Variants in C1orf94 observed in about 807,000 individuals in gnomAD.
C1orf94 encodes the protein chromosome 1 open reading frame 94.
A neutral mutation model predicts 53.6 loss-of-function variants in C1orf94; 45 were observed. The observed-to-expected ratio is 0.84, with a 90% CI of 0.66 to 1.08. The LOEUF (loss-of-function observed/expected upper bound fraction) is 1.08. Among genes scored for constraint, C1orf94 ranks in the 50% least tolerant of loss-of-function variants. The probability of loss-of-function intolerance (pLI) is 0.00; values close to 1 mark genes in which losing one functional copy is unlikely to be tolerated. For missense variants in C1orf94, 762 were observed against 738.9 expected, an observed-to-expected ratio of 1.03 and a Z score of -0.36; for synonymous variants, 304 against 296.1, an observed-to-expected ratio of 1.03 and a Z score of -0.27.
intron 6 of C1orf94, 80 bp downstream of exon 6, chr1:34,212,486 G>T: frequency 2.2e-6 from 3 of 1,377,580 alleles, no homozygotes; most frequent in South Asian, 1.4e-5. Flanking sequence ...GCTTACCAGC[G>T]CTTTCTTAGT....
chr1:34,169,491 G>T (rs7529786), intron 1 of C1orf94, among the ~76,000 whole-genome samples: 2 of 151,842 alleles, frequency 1.3e-5, no homozygotes, highest in Non-Finnish European at 2.9e-5. Context: ...AGAATACAAG[G>T]CCTGATGCTC....
At chr1:34,193,538 C>G (rs114735604) in intron 1 of C1orf94, among the ~76,000 whole-genome samples, 171 of 152,282 alleles carry the variant, frequency 1.1e-3, no homozygotes, top group African/African-American at 4.0e-3. Flanking sequence ...TGCTGGATAA[C>G]AATCTCCTGA....
Position 34,208,165 on chromosome 1 carries a change from C to A in C1orf94, c.1455C>A (p.Tyr485Ter). The A allele has an allele frequency of 6.2e-7, 1 of 1,614,076 alleles. No individual in the cohort carries two copies. The highest frequency in any genetic ancestry group is 1.1e-5 in the South Asian group (1 of 91,044). ...CCTCTGTTTCTCCCCAGGGCCTGTA[C>A]CCACAGCAGGCAGCGAGGATGCCCT... is the stretch of plus-strand genomic sequence containing the variant. ...HSTFLQYQGL[Y>*]PQQAARMPYQ... Residue 485 changes from tyrosine to a stop codon, truncating the protein, a stop_gained, in exon 5 of 7, where the codon TAC becomes TAA. Coordinates refer to ENST00000488417, the MANE Select transcript of C1orf94 (RefSeq NM_001134734.2). LOFTEE classifies it high-confidence loss of function.
Position 34,218,685 on chromosome 1 carries a change from G to C in C1orf94, c.1722-1G>C, listed in dbSNP as rs1231737154. ...TGGCATCCACCCTCCCTCTCTTCCA[G>C]GTTCGGCTCGACATCCGGAGGGCCC... On this transcript the variant is annotated splice_acceptor_variant, in intron 6 of 6. Transcript: ENST00000488417. LOFTEE classifies it high-confidence loss of function. 1 of 1,611,502 alleles carries C rather than the reference G, an allele frequency of 6.2e-7. No individual in the cohort carries two copies. Among genetic ancestry groups the C allele is most frequent in the Admixed American group, 1.7e-5 (1 of 59,952 alleles).
At chr1:34,169,324 C>T (rs532371797) in intron 1 of C1orf94, among the ~76,000 whole-genome samples, 1 of 152,226 alleles carries the variant, frequency 6.6e-6, no homozygotes, top group East Asian at 1.9e-4. Flanking sequence ...GCCCCAAGTG[C>T]TGGCTCCCTG....
At chr1:34,214,931 T>G (rs887220771) in intron 6 of C1orf94, among the ~76,000 whole-genome samples, 3 of 152,182 alleles carry the variant, frequency 2.0e-5, no homozygotes, top group African/African-American at 7.2e-5. Context: ...CCAGAGGGGA[T>G]GATCTGTTCA....
At chr1:34,208,882 C>G (rs193265035) in intron 5 of C1orf94, among the ~76,000 whole-genome samples, 3 of 152,132 alleles carry the variant, frequency 2.0e-5, no homozygotes, top group Non-Finnish European at 4.4e-5. Context: ...CACTGGCCAA[C>G]GCAAACGACA....
chr1:34,195,781 T>G (rs373066146), intron 1 of C1orf94, among the ~76,000 whole-genome samples: 31 of 71,006 alleles, frequency 4.4e-4, no homozygotes, highest in Admixed American at 7.6e-4. Flanking sequence ...TGTTCGTGGG[T>G]GTGTGTGTGT....
chr1:34,212,539 G>A (rs1642912129), intron 6 of C1orf94, 133 bp downstream of exon 6: 1 of 920,196 alleles, frequency 1.1e-6, no homozygotes, highest in South Asian at 1.8e-5. Context: ...CCCTGTACCT[G>A]TGGCTGGTGG....
In C1orf94 at chr1:34,197,796, C is replaced by T. The variant is rs778111912; in HGVS notation, c.892C>T (p.Pro298Ser). The T allele has an allele frequency of 1.2e-6, 2 of 1,614,248 alleles. No individual in the cohort carries two copies. Among genetic ancestry groups the T allele is most frequent in the African/African-American group, 2.7e-5 (2 of 75,072 alleles). Residue 298 changes from proline (P) to serine (S), a missense_variant, in exon 2 of 7, where the codon CCT becomes TCT. Physicochemically the swap from Pro to Ser is moderately conservative, Grantham distance 74. Transcript: ENST00000488417. This position sits in a 1 kb window ranked among gnomAD's most constrained non-coding sequence, Gnocchi z 4.1. ...TCTGCTGCTGCCTCCCCGACCTCCT[C>T]CTGCACGTCCTGACAAGCTCCCTGA... ...PFLLLPPRPPPARPDKLPELP... is the reference protein window; with the variant it reads ...PFLLLPPRPPSARPDKLPELP...
chr1:34,173,634 A>C (rs1642180298), upstream of C1orf94, among the ~76,000 whole-genome samples: 2 of 152,220 alleles, frequency 1.3e-5, no homozygotes, highest in South Asian at 4.1e-4. Context: ...TATTATAAGC[A>C]CTTTACATGT....
chr1:34,167,948 G>C (rs1642076343), intron 1 of C1orf94, among the ~76,000 whole-genome samples: 1 of 152,150 alleles, frequency 6.6e-6, no homozygotes, highest in Non-Finnish European at 1.5e-5. Flanking sequence ...CCTGGGTGCT[G>C]TGCTAGACAA....
At chr1:34,189,183 G>A (rs1384841709) in intron 1 of C1orf94, among the ~76,000 whole-genome samples, 1 of 151,924 alleles carries the variant, frequency 6.6e-6, no homozygotes, top group Non-Finnish European at 1.5e-5. Flanking sequence ...GTATGTATGT[G>A]TGTGCACATG....
At chr1:34,204,237 A>G (rs568818044) in intron 4 of C1orf94, among the ~76,000 whole-genome samples, 1 of 152,332 alleles carries the variant, frequency 6.6e-6, no homozygotes, top group Non-Finnish European at 1.5e-5. Flanking sequence ...TCTTCTGCAT[A>G]TAAAGACTCT....
chr1:34,200,808 A>T lies in C1orf94; in HGVS notation c.1046A>T (p.Gln349Leu). 6.2e-7 allele frequency: 1 copy of T among 1,614,206 alleles called. No individual in the cohort carries two copies. Residue 349 changes from glutamine (Q) to leucine (L), a missense_variant, in exon 3 of 7, where the codon CAA (glutamine) becomes CTA (leucine). Transcript: ENST00000488417. The stretch of plus-strand genomic sequence containing the variant: ...GGCACCAAGGAGCCAAAAAAGGGTC[A>T]AGGGAGCCTCTTTCTCAGCCAGTGG... The part of the protein sequence containing the change: ...SPGTKEPKKG[Q>L]GSLFLSQWPQ...
intron 1 of C1orf94, among the ~76,000 whole-genome samples, chr1:34,194,194 T>C (rs1642543002): frequency 6.6e-6 from 1 of 152,204 alleles, no homozygotes; most frequent in South Asian, 2.1e-4. Flanking sequence ...GATAATTACA[T>C]TATAATAATT....
At chr1:34,191,799 A>T (rs942415663) in intron 1 of C1orf94, among the ~76,000 whole-genome samples, 1 of 152,198 alleles carries the variant, frequency 6.6e-6, no homozygotes, top group Non-Finnish European at 1.5e-5. Context: ...TGTACACAGA[A>T]CTGCTGTTGG....
At chr1:34,203,195 T>C (rs752873484) in intron 4 of C1orf94, among the ~76,000 whole-genome samples, 6 of 152,186 alleles carry the variant, frequency 3.9e-5, no homozygotes, top group Non-Finnish European at 8.8e-5. Flanking sequence ...TGGAGTGCAG[T>C]GGCATGACCT....
Position 34,197,634 on chromosome 1 carries a change from C to G in C1orf94, c.730C>G (p.Pro244Ala), listed in dbSNP as rs752344271. 1 of 1,614,142 alleles carries G rather than the reference C, an allele frequency of 6.2e-7. No individual in the cohort carries two copies. Among genetic ancestry groups the G allele is most frequent in the Middle Eastern group, 1.6e-4 (1 of 6,062 alleles). ...LQVSKLLSQFPLKSTETSKVP... is the reference protein window; with the variant it reads ...LQVSKLLSQFALKSTETSKVP... ...AGTCAGCAAGCTTCTGTCCCAGTTC[C>G]CACTGAAGTCCACTGAGACATCCAA... is the stretch of plus-strand genomic sequence containing the variant. The change falls in exon 2 of 7, where the codon CCA becomes GCA. Residue 244 changes from proline to alanine, a missense_variant. Physicochemically the swap from Pro to Ala is conservative, Grantham distance 27 (BLOSUM62 -1). Coordinates refer to ENST00000488417, the MANE Select transcript of C1orf94 (RefSeq NM_001134734.2). The surrounding 1 kb of genome is among the most constrained non-coding windows in gnomAD (Gnocchi z 4.1).
Sources: allele counts gnomAD v4.1 joint callset (sites outside exome capture counted in the v4.1 genomes callset), GRCh38; gene constraint gnomAD v4.1.1; non-coding constraint Gnocchi (gnomAD v3.1); transcripts MANE v1.5; gene names NCBI Gene and HGNC (gene_info 2026-07-23, HGNC 2026-07-21).